AMMECR1: variants seen among roughly 807,000 people sequenced by gnomAD.
The protein encoded by AMMECR1 is AMMECR nuclear protein 1, also known as nuclear protein AMMECR1.
AMMECR1 carries 3 observed loss-of-function variants against 22.5 expected under a neutral mutation model. The observed-to-expected ratio is 0.13, with a 90% CI of 0.06 to 0.35. AMMECR1 has a LOEUF of 0.35. Ranked by LOEUF, AMMECR1 falls within the 10% of genes least tolerant of loss-of-function variation. AMMECR1 has a pLI of 1.00. For missense variants in AMMECR1, 235 were observed against 278.7 expected (o/e 0.84, Z 1.12); for synonymous variants, 130 against 116.7 (o/e 1.11, Z -0.74).
chrX:110,212,812 G>A (rs2067453973), intron 3 of AMMECR1, among the ~76,000 whole-genome samples: 1 of 111,555 alleles, frequency 9.0e-6, no homozygotes. Flanking sequence ...TTTAAATAGT[G>A]ATTGCATATT....
At position 110,254,052 on chromosome X, in the gene AMMECR1, C is replaced by A. The variant is rs1602831561; in HGVS notation, c.584+10437G>T. ...TATTACCAGGCCTGCCCATTGCCAG[C>A]AATGGTCTTTGAGATAACCCATTTC... On this transcript the variant is annotated intron_variant, in intron 2 of 5. Coordinates refer to ENST00000262844, the MANE Select transcript of AMMECR1 (RefSeq NM_015365.3). Among the ~76,000 whole-genome samples the A allele has an allele frequency of 2.7e-5, 3 of 111,040 alleles. 1 individual carries two copies. In the Admixed American group the frequency reaches 2.9e-4, roughly 11 times the overall value.
intron 1 of AMMECR1, among the ~76,000 whole-genome samples, chrX:110,434,699 C>T (rs1273227326): frequency 2.7e-5 from 3 of 111,204 alleles, no homozygotes; most frequent in African/African-American, 9.8e-5. Context: ...GTTTGGAGTG[C>T]TGGATAGCGG....
chrX:110,303,762 A>G (rs1265230476), intron 1 of AMMECR1, among the ~76,000 whole-genome samples: 1 of 112,650 alleles, frequency 8.9e-6, no homozygotes, highest in Non-Finnish European at 1.9e-5. Context: ...AACTGACTAC[A>G]TAGAGAACAC....
intron 2 of AMMECR1, among the ~76,000 whole-genome samples, chrX:110,235,731 CAT>C (rs2067596983): frequency 9.0e-6 from 1 of 111,696 alleles, no homozygotes; most frequent in Non-Finnish European, 1.9e-5. Context: ...CCAAACACCA[CAT>C]GTTTTTACTC....
Position 110,318,076 on chromosome X carries a change from G to A in AMMECR1, c.-5C>T, listed in dbSNP as rs746366110. 12 of 1,187,405 alleles carry A rather than the reference G, an allele frequency of 1.0e-5. No individual in the cohort carries two copies. The East Asian group carries it at 2.4e-4, about 24-fold the overall frequency. On this transcript the variant is annotated 5_prime_UTR_variant, in exon 1 of 6. Coordinates refer to ENST00000262844, the MANE Select transcript of AMMECR1 (RefSeq NM_015365.3). ...CCCGCAGCAACCCGCCGCCATCTTGGAACAGTCTCCCCCACGCAGCGTTTC... is the reference window on the plus strand; with the variant it reads ...CCCGCAGCAACCCGCCGCCATCTTGAAACAGTCTCCCCCACGCAGCGTTTC...
chrX:110,399,231 CTCAGAACAACCCT>C (rs1212397856), intron 2 of AMMECR1, among the ~76,000 whole-genome samples: 6 of 112,626 alleles, frequency 5.3e-5, no homozygotes, highest in African/African-American at 1.9e-4. Context: ...ACTTTTAATT[CTCAGAACAACCCT>C]TCAAGGTAGG....
chrX:110,393,870 G>A (rs927043016), intron 2 of AMMECR1, among the ~76,000 whole-genome samples: 5 of 112,246 alleles, frequency 4.5e-5, no homozygotes, highest in Non-Finnish European at 7.5e-5. Context: ...TGGAATCAGC[G>A]GGTTAGAAAA....
At chrX:110,330,402 G>T (rs2068116074) in intron 2 of AMMECR1, among the ~76,000 whole-genome samples, 1 of 111,305 alleles carries the variant, frequency 9.0e-6, no homozygotes, top group African/African-American at 3.3e-5. Context: ...CTAGAATAGT[G>T]TTACTCAAGG....
At chrX:110,363,455 C>A (rs957392860) in intron 2 of AMMECR1, among the ~76,000 whole-genome samples, 1 of 111,690 alleles carries the variant, frequency 9.0e-6, no homozygotes, top group Non-Finnish European at 1.9e-5. Flanking sequence ...AGGGACCTCC[C>A]TATGTGTCAT....
At chrX:110,398,976 G>A (rs1602967865) in intron 2 of AMMECR1, among the ~76,000 whole-genome samples, 1 of 111,914 alleles carries the variant, frequency 8.9e-6, no homozygotes, top group Non-Finnish European at 1.9e-5. Context: ...ATTGATACCT[G>A]CCATATATGT....
rs755483656 is a variant in AMMECR1, at chrX:110,378,008, C to CAAA, written c.-148+48647_-148+48649dup. 8.5e-3 allele frequency among the ~76,000 whole-genome samples: 262 copies of CAAA among 30,916 alleles called. 18 individuals are homozygous for CAAA. Among genetic ancestry groups the CAAA allele is most frequent in the African/African-American group, 0.033 (241 of 7,239 alleles). 26.8% of individuals were successfully genotyped at this position (30,916 alleles called of 115,157 possible). A position where few individuals can be genotyped will look rare whatever the true frequency, so the allele number is the denominator to read the frequency against. ...TGGGCGACAGAGCGAGACTCCGTCT[C>CAAA]AAAAAAAAAAAAAAAAAAAAAAAAT... On this transcript the variant is annotated intron_variant, in intron 2 of 7. Transcript: ENST00000372057.
chrX:110,319,342 A>G (rs1310653002), upstream of AMMECR1, among the ~76,000 whole-genome samples: 1 of 112,371 alleles, frequency 8.9e-6, no homozygotes, highest in African/African-American at 3.2e-5. Flanking sequence ...CTGCAGATTG[A>G]TTTTTGTCAC....
chrX:110,407,667 C>T (rs1392949932), intron 2 of AMMECR1, among the ~76,000 whole-genome samples: 1 of 111,999 alleles, frequency 8.9e-6, no homozygotes, highest in Non-Finnish European at 1.9e-5. Context: ...AGTACATAGT[C>T]CTTTTGCTAC....
At chrX:110,348,452 A>G (rs370672742) in intron 2 of AMMECR1, among the ~76,000 whole-genome samples, 3 of 112,417 alleles carry the variant, frequency 2.7e-5, no homozygotes, top group Non-Finnish European at 5.6e-5. Flanking sequence ...CATGCAAACT[A>G]TGAATTTGCT....
At chrX:110,305,594 T>A (rs2067989327) in intron 1 of AMMECR1, 1 of 111,743 alleles carries the variant, frequency 8.9e-6, no homozygotes, top group Non-Finnish European at 1.9e-5. Context: ...ATCTATTATT[T>A]CACAGATGCC....
intron 2 of AMMECR1, among the ~76,000 whole-genome samples, chrX:110,362,783 C>T (rs1443364476): frequency 8.9e-6 from 1 of 112,171 alleles, no homozygotes; most frequent in Non-Finnish European, 1.9e-5. Context: ...TGCACTTTCA[C>T]TCATTCATTA....
At chrX:110,297,967 C>T (rs1213776144) in intron 1 of AMMECR1, among the ~76,000 whole-genome samples, 1 of 111,810 alleles carries the variant, frequency 8.9e-6, no homozygotes, top group Non-Finnish European at 1.9e-5. Context: ...TACAGGGAAA[C>T]AAATGTATTT....
At position 110,197,306 on chromosome X, in the gene AMMECR1, T is replaced by C. The variant is rs913257317; in HGVS notation, c.*1214A>G. The C allele has an allele frequency of 6.2e-5, 7 of 112,392 alleles. No homozygotes were observed. Among genetic ancestry groups the C allele is most frequent in the African/African-American group, 2.3e-4 (7 of 30,951 alleles). The allele number at this position is 112,392 out of a possible 1,213,427, so 9.3% of individuals were successfully genotyped here. A position where few individuals can be genotyped will look rare whatever the true frequency, so the allele number is the denominator to read the frequency against. On this transcript the variant is annotated 3_prime_UTR_variant, in exon 6 of 6. Coordinates refer to ENST00000262844, the MANE Select transcript of AMMECR1 (RefSeq NM_015365.3). ...TTATAGTATCTCTAAAACTCTAATA[T>C]TGTCCCCATGACAAACATATCTGAA...
chrX:110,203,130 A>G (rs2067405214), intron 3 of AMMECR1, among the ~76,000 whole-genome samples: 1 of 112,232 alleles, frequency 8.9e-6, no homozygotes, highest in African/African-American at 3.2e-5. Context: ...ATTATGACTT[A>G]GAGTGGGGTA....
Sources: gnomAD v4.1 joint callset for allele counts (sites outside exome capture counted in the v4.1 genomes callset) on GRCh38, gnomAD v4.1.1 for gene constraint, MANE v1.5 for transcripts, NCBI Gene and HGNC (gene_info 2026-07-23, HGNC 2026-07-21) for gene names.